MECOM: variants seen among roughly 807,000 people sequenced by gnomAD.
MECOM encodes the protein MDS1 and EVI1 complex locus.
Under a neutral mutation model 116.3 loss-of-function variants are expected in MECOM, and 13 were observed. The observed-to-expected ratio is 0.11, with a 90% CI of 0.07 to 0.18. MECOM has a LOEUF of 0.18. Ranked by LOEUF, MECOM falls within the 10% of genes least tolerant of loss-of-function variation. The pLI is 1.00. For missense variants in MECOM, 1,299 were observed against 1,509.0 expected (o/e 0.86, Z 2.31); for synonymous variants, 528 against 535.2 (o/e 0.99, Z 0.19).
At chr3:169,193,521 G>A (rs1442624989) in intron 2 of MECOM, among the ~76,000 whole-genome samples, 1 of 151,526 alleles carries the variant, frequency 6.6e-6, no homozygotes, top group Non-Finnish European at 1.5e-5. Flanking sequence ...TACAGAATAA[G>A]GAATTATTAG....
intron 2 of MECOM, among the ~76,000 whole-genome samples, chr3:169,301,245 T>C (rs1045981224): frequency 6.6e-6 from 1 of 152,254 alleles, no homozygotes; most frequent in African/African-American, 2.4e-5. Context: ...ACAGACTTTA[T>C]TCCTCCAATC....
intron 2 of MECOM, among the ~76,000 whole-genome samples, chr3:169,173,525 ACT>A (rs530727715): frequency 1.2e-3 from 179 of 152,110 alleles, no homozygotes; most frequent in African/African-American, 4.0e-3. Flanking sequence ...TTTTGTGTTC[ACT>A]CTCTTTCTCT....
At chr3:169,248,787 A>G (rs138934609) in intron 2 of MECOM, among the ~76,000 whole-genome samples, 7 of 152,316 alleles carry the variant, frequency 4.6e-5, no homozygotes, top group African/African-American at 1.7e-4. Flanking sequence ...AGGAAAGATC[A>G]TGTAAGTAGG....
At chr3:169,579,351 T>C (rs1284029471) in intron 1 of MECOM, among the ~76,000 whole-genome samples, 1 of 152,172 alleles carries the variant, frequency 6.6e-6, no homozygotes, top group African/African-American at 2.4e-5. Flanking sequence ...CAACAGACAA[T>C]ACCGCTTTCT....
intron 1 of MECOM, among the ~76,000 whole-genome samples, chr3:169,582,170 A>G (rs1379590716): frequency 6.6e-6 from 1 of 152,140 alleles, no homozygotes; most frequent in Non-Finnish European, 1.5e-5. Flanking sequence ...GTTTTTCTTA[A>G]GCGTTTCGTC....
At chr3:169,400,365 G>T (rs538569654) in intron 1 of MECOM, among the ~76,000 whole-genome samples, 1 of 152,168 alleles carries the variant, frequency 6.6e-6, no homozygotes, top group Non-Finnish European at 1.5e-5. Flanking sequence ...TCATCATCTG[G>T]CATGCAACAG....
At chr3:169,608,501 C>T (rs1768860472) in intron 1 of MECOM, among the ~76,000 whole-genome samples, 1 of 152,134 alleles carries the variant, frequency 6.6e-6, no homozygotes, top group South Asian at 2.1e-4. Context: ...CATTTCCCCA[C>T]ATCCCCTCCT....
chr3:169,563,918 G>A (rs1287999190), intron 1 of MECOM, among the ~76,000 whole-genome samples: 2 of 152,184 alleles, frequency 1.3e-5, no homozygotes, highest in African/African-American at 4.8e-5. Flanking sequence ...TCCTCTCTCA[G>A]TCTCCTCCCT....
chr3:169,289,983 A>G (rs1714181333), intron 2 of MECOM, among the ~76,000 whole-genome samples: 1 of 152,136 alleles, frequency 6.6e-6, no homozygotes, highest in Non-Finnish European at 1.5e-5. Context: ...GAGGAGTGTT[A>G]ACTATTTTGG....
At chr3:169,090,594 G>C (rs908695416) in intron 14 of MECOM, among the ~76,000 whole-genome samples, 1 of 151,920 alleles carries the variant, frequency 6.6e-6, no homozygotes, top group Non-Finnish European at 1.5e-5. Flanking sequence ...TAATTGCCAT[G>C]TAAGTACCCA....
At chr3:169,105,451 G>A (rs56129373) in intron 10 of MECOM, among the ~76,000 whole-genome samples, 9,578 of 152,030 alleles carry the variant, frequency 0.063, 443 homozygotes, top group South Asian at 0.2. Context: ...AGTAAGTTTT[G>A]ACATTCATTT....
At chr3:169,629,820 G>A (rs1771857093) in intron 1 of MECOM, among the ~76,000 whole-genome samples, 1 of 152,196 alleles carries the variant, frequency 6.6e-6, no homozygotes, top group Admixed American at 6.5e-5. Context: ...TCCCTCTTCA[G>A]TTCACTGCCC....
chr3:169,336,801 T>G (rs1385175791), intron 2 of MECOM, among the ~76,000 whole-genome samples: 1 of 152,084 alleles, frequency 6.6e-6, no homozygotes. Flanking sequence ...AATAAATGAA[T>G]TCAATGAAAA....
chr3:169,291,179 T>C (rs1714485784), intron 2 of MECOM, among the ~76,000 whole-genome samples: 1 of 152,310 alleles, frequency 6.6e-6, no homozygotes, highest in East Asian at 1.9e-4. Context: ...ATCCTCCTTA[T>C]TGGAAAAATC....
In MECOM at chr3:169,251,850, C is replaced by CA. The variant is rs1202685089; in HGVS notation, c.376-108019dup. The stretch of plus-strand genomic sequence containing the variant: ...GTGTTTCAGGGCAGTTCTGACTACT[C>CA]AGAATAGGAATCTATTGCTGCATTG... On this transcript the variant is annotated intron_variant, in intron 2 of 16. Transcript: ENST00000651503. 1.1e-4 allele frequency among the ~76,000 whole-genome samples: 17 copies of CA among 152,194 alleles called. No individual in the cohort carries two copies. In the Middle Eastern group the frequency reaches 0.014, roughly 122 times the overall value.
intron 1 of MECOM, among the ~76,000 whole-genome samples, chr3:169,393,895 A>G (rs1488723740): frequency 6.6e-6 from 1 of 152,250 alleles, no homozygotes; most frequent in South Asian, 2.1e-4. Context: ...TCATCTAAAC[A>G]CCTAAAATTC....
At chr3:169,412,285 C>CAAAA (rs10687946) in intron 1 of MECOM, among the ~76,000 whole-genome samples, 1 of 104,914 alleles carries the variant, frequency 9.5e-6, no homozygotes, top group East Asian at 2.4e-4. Flanking sequence ...GACTCTGTCT[C>CAAAA]AAAAAAAAAA....
At chr3:169,153,793 G>T (rs1741533181) in intron 2 of MECOM, among the ~76,000 whole-genome samples, 1 of 152,120 alleles carries the variant, frequency 6.6e-6, no homozygotes, top group African/African-American at 2.4e-5. Context: ...ACTATTACGA[G>T]TGTTGGGAAA....
intron 1 of MECOM, among the ~76,000 whole-genome samples, chr3:169,564,296 A>G (rs1452229033): frequency 6.6e-6 from 1 of 152,260 alleles, no homozygotes; most frequent in Non-Finnish European, 1.5e-5. Flanking sequence ...AGAGTTAAAC[A>G]TTATAAAAAG....
Sources: gnomAD v4.1 joint callset for allele counts (sites outside exome capture counted in the v4.1 genomes callset) on GRCh38, gnomAD v4.1.1 for gene constraint, MANE v1.5 for transcripts, NCBI Gene and HGNC (gene_info 2026-07-23, HGNC 2026-07-21) for gene names.